PAPOLA: variants seen among roughly 807,000 people sequenced by gnomAD.
PAPOLA encodes polynucleotide adenylyltransferase alpha.
PAPOLA carries 15 observed loss-of-function variants against 100.6 expected under a neutral mutation model. The observed-to-expected ratio is 0.15, with a 90% confidence interval of 0.10 to 0.23. The LOEUF (loss-of-function observed/expected upper bound fraction) is 0.23. Among genes scored for constraint, PAPOLA ranks in the 10% least tolerant of loss-of-function variants. PAPOLA has a pLI of 1.00. For missense variants in PAPOLA, 533 were observed against 884.2 expected (o/e 0.60, Z 5.04); for synonymous variants, 293 against 300.0 (o/e 0.98, Z 0.24).
At chr14:96,521,812 CT>C (rs1897989516) in intron 3 of PAPOLA, among the ~76,000 whole-genome samples, 1 of 151,758 alleles carries the variant, frequency 6.6e-6, no homozygotes, top group African/African-American at 2.4e-5. Flanking sequence ...TTTGGGTTTC[CT>C]TTTTTCTTTC....
intron 1 of PAPOLA, among the ~76,000 whole-genome samples, chr14:96,503,383 C>G (rs773289677): frequency 1.3e-5 from 2 of 151,288 alleles, no homozygotes; most frequent in Non-Finnish European, 2.9e-5. Flanking sequence ...AGGCTTGAAG[C>G]TAGTCTCTTT....
intron 6 of PAPOLA, among the ~76,000 whole-genome samples, chr14:96,528,683 C>T (rs1898718306): frequency 2.0e-5 from 3 of 152,158 alleles, no homozygotes. Flanking sequence ...AGCCCAGGAG[C>T]TTAAATCTAG....
intron 15 of PAPOLA, 124 bp downstream of exon 15, chr14:96,544,382 G>A: frequency 1.7e-6 from 1 of 601,000 alleles, no homozygotes; most frequent in Non-Finnish European, 3.0e-6. Context: ...ACTATCATCA[G>A]AATAATGGTT....
intron 17 of PAPOLA, among the ~76,000 whole-genome samples, chr14:96,553,895 T>C (rs2887550): frequency 0.26 from 39,229 of 152,080 alleles, 5,566 homozygotes; most frequent in African/African-American, 0.39. Context: ...GCTGAGGTGT[T>C]GTGGATGTGT....
rs1032321099 is a variant in PAPOLA, at chr14:96,556,602, C to T, written c.2004+189C>T. Among the ~76,000 whole-genome samples, 5 of 152,324 alleles carry T rather than the reference C, an allele frequency of 3.3e-5. No homozygotes were observed. The South Asian group carries it at 1.0e-3, about 32-fold the overall frequency. ...TCACCTTTCCCATTCTTCTCAGTAA[C>T]TACCTCTGCTATAAAGCTATGCCCT... On this transcript the variant is annotated intron_variant, in intron 19 of 21. Transcript: ENST00000216277.
intron 1 of PAPOLA, among the ~76,000 whole-genome samples, chr14:96,514,495 T>G (rs1381495797): frequency 6.6e-6 from 1 of 152,234 alleles, no homozygotes; most frequent in African/African-American, 2.4e-5. Flanking sequence ...TGCATTAGAT[T>G]TCTAACTACT....
At chr14:96,534,848 T>G in intron 10 of PAPOLA, 3 of 1,124,108 alleles carry the variant, frequency 2.7e-6, no homozygotes, top group Non-Finnish European at 3.3e-6. Flanking sequence ...GTCAAAGTTG[T>G]GTGGGCATTT....
intron 3 of PAPOLA, among the ~76,000 whole-genome samples, 191 bp from the exon 4 acceptor site, chr14:96,525,119 A>G (rs1030327090): frequency 6.6e-6 from 1 of 152,204 alleles, no homozygotes; most frequent in Non-Finnish European, 1.5e-5. Flanking sequence ...AAAGTTGAAA[A>G]TGGTTTGAAT....
At chr14:96,524,238 C>T (rs1898264567) in intron 3 of PAPOLA, among the ~76,000 whole-genome samples, 2 of 152,188 alleles carry the variant, frequency 1.3e-5, no homozygotes, top group Non-Finnish European at 1.5e-5. Flanking sequence ...CAGACCTTGT[C>T]ATTCTTACGA....
chr14:96,562,710 T>A (rs180875923), intron 20 of PAPOLA, 109 bp from the exon 21 acceptor site: 1 of 641,034 alleles, frequency 1.6e-6, no homozygotes, highest in Non-Finnish European at 2.8e-6. Context: ...TTTCTCTTGA[T>A]CCCTCCTGTC....
chr14:96,523,173 C>T (rs1283415677), intron 3 of PAPOLA, among the ~76,000 whole-genome samples: 6 of 151,772 alleles, frequency 4.0e-5, no homozygotes, highest in Non-Finnish European at 7.4e-5. Context: ...ATACTCTTCA[C>T]TTAAAAATGA....
At chr14:96,550,263 C>G (rs1289200511) in intron 16 of PAPOLA, among the ~76,000 whole-genome samples, 1 of 152,086 alleles carries the variant, frequency 6.6e-6, no homozygotes, top group African/African-American at 2.4e-5. Flanking sequence ...AATTCATAAT[C>G]AAATAGCTAT....
At chr14:96,562,553 C>G (rs974055186) in intron 20 of PAPOLA, 6 of 249,002 alleles carry the variant, frequency 2.4e-5, no homozygotes, top group African/African-American at 1.4e-4. Flanking sequence ...TAAAATGTCC[C>G]AAGTTGGAGC....
chr14:96,556,502 T>TA, intron 19 of PAPOLA, 89 bp downstream of exon 19: 1 of 860,412 alleles, frequency 1.2e-6, no homozygotes, highest in Non-Finnish European at 1.9e-6. Context: ...TGAACCAAAA[T>TA]AGAGAAGGAT....
chr14:96,524,716 G>T (rs1243455080), intron 3 of PAPOLA, among the ~76,000 whole-genome samples: 4 of 152,080 alleles, frequency 2.6e-5, no homozygotes, highest in Non-Finnish European at 5.9e-5. Flanking sequence ...TAGAGACGGG[G>T]TTTCACATGT....
intron 1 of PAPOLA, among the ~76,000 whole-genome samples, chr14:96,517,425 CTT>C (rs937206714): frequency 1.3e-5 from 2 of 152,128 alleles, no homozygotes; most frequent in Non-Finnish European, 2.9e-5. Context: ...CACAGGGAAA[CTT>C]TTGGAGGTAA....
chr14:96,525,530 G>T, intron 4 of PAPOLA, 139 bp downstream of exon 4: 2 of 503,660 alleles, frequency 4.0e-6, no homozygotes, highest in Admixed American at 4.2e-5. Context: ...AAATTTTTCA[G>T]TAAGAAAGAT....
At chr14:96,559,554 T>TCC in intron 19 of PAPOLA, among the ~76,000 whole-genome samples, 1 of 96,582 alleles carries the variant, frequency 1.0e-5, no homozygotes, top group Non-Finnish European at 2.1e-5. Flanking sequence ...AATTAACCTC[T>TCC]CTCTCTCTCT....
intron 6 of PAPOLA, among the ~76,000 whole-genome samples, chr14:96,530,608 C>T (rs1289176267): frequency 3.3e-5 from 5 of 151,856 alleles, no homozygotes; most frequent in Admixed American, 6.6e-5. Context: ...AGGCTGATCT[C>T]GAAGACAGCC....
Sources: allele counts gnomAD v4.1 joint callset (sites outside exome capture counted in the v4.1 genomes callset), GRCh38; gene constraint gnomAD v4.1.1; transcripts MANE v1.5; gene names NCBI Gene and HGNC (gene_info 2026-07-23, HGNC 2026-07-21).